Variants in APBB2 observed in about 807,000 individuals in gnomAD.
APBB2 encodes Fe65-like 1.
Under a neutral mutation model 82.5 loss-of-function variants are expected in APBB2, and 38 were observed. The observed-to-expected ratio is 0.46, with a 90% CI of 0.36 to 0.60. The LOEUF is 0.60. Ranked by LOEUF, APBB2 falls within the 20% of genes least tolerant of loss-of-function variation. APBB2 has a pLI of 0.00. For missense variants in APBB2, 772 were observed against 972.3 expected (o/e 0.79, Z 2.74); for synonymous variants, 341 against 368.2 (o/e 0.93, Z 0.85).
At position 40,982,287 on chromosome 4, in the gene APBB2, AAGGAAG is replaced by A. The variant is rs1282282429; in HGVS notation, c.835+31290_835+31295del. On this transcript the variant is annotated intron_variant, in intron 6 of 17. Coordinates refer to ENST00000508593, the MANE Select transcript of APBB2 (RefSeq NM_004307.2). ...GAAAGAAAGAAAGAAAGAAAGAAGG[AAGGAAG>A]GAAGGAAGGAAGGAAAGAAAGAAAG... Among the ~76,000 whole-genome samples, 105 of 38,178 alleles carry A rather than the reference AAGGAAG, an allele frequency of 2.8e-3. 9 individuals are homozygous for A. The highest frequency in any genetic ancestry group is 0.015 in the African/African-American group (98 of 6,696). 25.0% of individuals were successfully genotyped at this position (38,178 alleles called of 152,430 possible). A position where few individuals can be genotyped will look rare whatever the true frequency, so the allele number is the denominator to read the frequency against.
intron 2 of APBB2, among the ~76,000 whole-genome samples, chr4:41,131,580 G>C (rs1353956897): frequency 6.6e-6 from 1 of 152,084 alleles, no homozygotes; most frequent in Non-Finnish European, 1.5e-5. Flanking sequence ...TTCCTGGCAT[G>C]ACTAAGTTTA....
At chr4:41,205,403 T>C (rs1156507740) in intron 1 of APBB2, among the ~76,000 whole-genome samples, 1 of 152,132 alleles carries the variant, frequency 6.6e-6, no homozygotes, top group Non-Finnish European at 1.5e-5. Context: ...TTTCTCACCA[T>C]TCCCAAAATA....
Position 40,826,421 on chromosome 4 carries a change from A to C in APBB2, c.1733-451T>G, listed in dbSNP as rs1749951881. The stretch of plus-strand genomic sequence containing the variant: ...AGTCTCGCTCTGTTGCCCAGGCTGG[A>C]GTGCAGTGGTGCGATCTTGGCTCGC... On this transcript the variant is annotated intron_variant, in intron 14 of 17. Coordinates refer to ENST00000508593, the MANE Select transcript of APBB2 (RefSeq NM_004307.2). This position sits in a 1 kb window ranked among gnomAD's most constrained non-coding sequence, Gnocchi z 4.5. Among the ~76,000 whole-genome samples the C allele has an allele frequency of 6.6e-6, 1 of 151,202 alleles. No individual in the cohort carries two copies. The highest frequency in any genetic ancestry group is 2.4e-5 in the African/African-American group (1 of 41,034).
chr4:41,150,220 C>T lies in APBB2; in HGVS notation c.-416-7078G>A, dbSNP rs149221088. Among the ~76,000 whole-genome samples, 304 of 152,232 alleles carry T rather than the reference C, an allele frequency of 2.0e-3. 3 individuals are homozygous for T. Among genetic ancestry groups the T allele is most frequent in the African/African-American group, 7.1e-3 (294 of 41,542 alleles). ...CAACTGTTTTCTGAACTTAAATCCCCAAATTTACCAATAAATTGTGTAATT... is the reference window on the plus strand; with the variant it reads ...CAACTGTTTTCTGAACTTAAATCCCTAAATTTACCAATAAATTGTGTAATT... On this transcript the variant is annotated intron_variant, in intron 1 of 17. Transcript: ENST00000508593.
intron 1 of APBB2, among the ~76,000 whole-genome samples, 177 bp downstream of exon 1, chr4:41,214,228 G>A (rs1780079939): frequency 6.6e-6 from 1 of 152,188 alleles, no homozygotes; most frequent in Non-Finnish European, 1.5e-5. Flanking sequence ...TGCAGGTGTG[G>A]CTGCGGCTGA....
intron 3 of APBB2, among the ~76,000 whole-genome samples, chr4:41,090,023 A>G (rs540600705): frequency 6.6e-6 from 1 of 152,298 alleles, no homozygotes; most frequent in Admixed American, 6.5e-5. Context: ...AACCCTACTT[A>G]TTAAGTAAAA....
In APBB2 at chr4:41,031,238, A is replaced by G. The variant is rs1233429760; in HGVS notation, c.19+1998T>C. Among the ~76,000 whole-genome samples, 259 of 138,768 alleles carry G rather than the reference A, an allele frequency of 1.9e-3. 1 individual carries two copies. The highest frequency in any genetic ancestry group is 7.9e-3 in the African/African-American group (251 of 31,670). The allele number at this position is 138,768 out of a possible 152,430, so 91.0% of individuals were successfully genotyped here. ...AGACTCTGTCTCAAAAAAAATTTAA[A>G]TAAATAAATAAATAAATAAATTCTG... On this transcript the variant is annotated intron_variant, in intron 5 of 17. Transcript: ENST00000508593.
chr4:40,849,754 G>A (rs1262056942), intron 12 of APBB2, among the ~76,000 whole-genome samples: 2 of 138,004 alleles, frequency 1.4e-5, no homozygotes, highest in Non-Finnish European at 1.5e-5. Context: ...TTGAGACAGA[G>A]TCTCGCTCTG....
intron 6 of APBB2, among the ~76,000 whole-genome samples, chr4:40,989,284 C>A (rs369294642): frequency 3.9e-4 from 60 of 152,254 alleles, no homozygotes; most frequent in African/African-American, 1.3e-3. Context: ...TTTTCCCCCT[C>A]AACTGGTCAC....
intron 10 of APBB2, among the ~76,000 whole-genome samples, chr4:40,915,599 G>A (rs1315526594): frequency 6.6e-6 from 1 of 152,160 alleles, no homozygotes; most frequent in East Asian, 1.9e-4. Flanking sequence ...CAGTCACCAA[G>A]AAATGAAAAG....
At chr4:40,990,808 T>C (rs1801808200) in intron 6 of APBB2, among the ~76,000 whole-genome samples, 1 of 152,142 alleles carries the variant, frequency 6.6e-6, no homozygotes, top group Admixed American at 6.5e-5. Context: ...AAACTGTATG[T>C]GGCATCTTCT....
At chr4:41,040,706 C>T (rs1721015512) in intron 4 of APBB2, among the ~76,000 whole-genome samples, 1 of 152,084 alleles carries the variant, frequency 6.6e-6, no homozygotes, top group Non-Finnish European at 1.5e-5. Flanking sequence ...TGCCACAAGA[C>T]AATTCTCACC....
At chr4:40,968,354 C>T (rs1481283327) in intron 6 of APBB2, among the ~76,000 whole-genome samples, 2 of 152,120 alleles carry the variant, frequency 1.3e-5, no homozygotes, top group Non-Finnish European at 2.9e-5. Context: ...TTGCTAACCT[C>T]CTTAACAGTG....
intron 12 of APBB2, among the ~76,000 whole-genome samples, chr4:40,867,137 C>A (rs749678455): frequency 2.9e-4 from 44 of 152,144 alleles, no homozygotes; most frequent in Non-Finnish European, 6.0e-4. Context: ...TGGAACACAG[C>A]CATGCACATT....
At chr4:41,032,608 C>A (rs1417502184) in intron 5 of APBB2, among the ~76,000 whole-genome samples, 4 of 151,946 alleles carry the variant, frequency 2.6e-5, no homozygotes, top group Admixed American at 6.6e-5. Flanking sequence ...TTCAGCAGTA[C>A]CCAGGCTGTA....
In APBB2 at chr4:40,821,930, C is replaced by T. The variant is rs191884680; in HGVS notation, c.2053G>A (p.Val685Ile). Residue 685 changes from valine (V) to isoleucine (I), a missense_variant, in exon 17 of 18, where the codon GTT becomes ATT. Coordinates refer to ENST00000508593, the MANE Select transcript of APBB2 (RefSeq NM_004307.2). ...DTGNQRFECH[V>I]FWCEPNAGNV... is the part of the protein sequence containing the mutation. ...CCAGCATTAGGCTCGCACCAGAAAA[C>T]GTGGCACTCAAAGCGCTGGTTCCCC... The T allele has an allele frequency of 1.4e-5, 22 of 1,614,150 alleles. No homozygotes were observed. The highest frequency in any genetic ancestry group is 1.1e-4 in the African/African-American group (8 of 75,052).
At chr4:40,890,553 T>G in intron 11 of APBB2, 62 bp from the exon 12 acceptor site, 1 of 1,588,068 alleles carries the variant, frequency 6.3e-7, no homozygotes. Context: ...TAATCGTGTG[T>G]GTGGCCATCT....
chr4:41,159,743 A>G (rs1764353423), intron 1 of APBB2, among the ~76,000 whole-genome samples: 1 of 151,984 alleles, frequency 6.6e-6, no homozygotes, highest in Non-Finnish European at 1.5e-5. Context: ...ATAAACTGCA[A>G]TCTCATCCCT....
chr4:40,902,290 G>A (rs1414698252), intron 10 of APBB2, among the ~76,000 whole-genome samples: 2 of 152,026 alleles, frequency 1.3e-5, no homozygotes, highest in Admixed American at 6.5e-5. Context: ...ATGTGTGTAC[G>A]TGAATCAGGG....
Sources: gnomAD v4.1 joint callset for allele counts (sites outside exome capture counted in the v4.1 genomes callset) on GRCh38, gnomAD v4.1.1 for gene constraint, Gnocchi (gnomAD v3.1) non-coding constraint, MANE v1.5 for transcripts, NCBI Gene and HGNC (gene_info 2026-07-23, HGNC 2026-07-21) for gene names.